VWF: variants seen among roughly 807,000 people sequenced by gnomAD.
The protein encoded by VWF is Factor VIII related antigen.
Under a neutral mutation model 308.6 loss-of-function variants are expected in VWF, and 176 were observed. That is an observed-to-expected ratio of 0.57 (90% CI 0.50 to 0.65). The LOEUF is 0.65. Ranked by LOEUF, VWF falls within the 30% of genes least tolerant of loss-of-function variation. VWF has a pLI of 0.00. For synonymous variants in VWF, 1,385 were observed against 1,443.4 expected (o/e 0.96, Z 0.92); for missense variants, 3,146 against 3,648.2 (o/e 0.86, Z 3.55).
chr12:6,094,307 G>A (rs1295098539), intron 6 of VWF, among the ~76,000 whole-genome samples: 1 of 152,212 alleles, frequency 6.6e-6, no homozygotes, highest in Non-Finnish European at 1.5e-5. Flanking sequence ...TTCAGGCACA[G>A]CCTCTCACTC....
chr12:6,050,206 T>C (rs1228435209), intron 16 of VWF, among the ~76,000 whole-genome samples: 1 of 152,180 alleles, frequency 6.6e-6, no homozygotes, highest in Non-Finnish European at 1.5e-5. Flanking sequence ...TCACAGGCAT[T>C]CAAGTTCAGA....
chr12:6,032,988 G>A (rs1338990832), intron 20 of VWF, among the ~76,000 whole-genome samples: 4 of 148,048 alleles, frequency 2.7e-5, no homozygotes, highest in Non-Finnish European at 5.9e-5. Context: ...ACACGCACAT[G>A]CATACACCCA....
At chr12:6,090,204 A>G (rs1565385526) in intron 6 of VWF, among the ~76,000 whole-genome samples, 3 of 151,858 alleles carry the variant, frequency 2.0e-5, no homozygotes, top group Admixed American at 6.6e-5. Context: ...TGATCCACCC[A>G]CCTCAGCCTC....
At chr12:6,069,907 C>T (rs1257644620) in intron 10 of VWF, among the ~76,000 whole-genome samples, 2 of 152,120 alleles carry the variant, frequency 1.3e-5, no homozygotes, top group Non-Finnish European at 2.9e-5. Context: ...GATGAATGGA[C>T]AGTTGGAAGG....
At chr12:6,090,252 C>T (rs1272244355) in intron 6 of VWF, among the ~76,000 whole-genome samples, 1 of 152,014 alleles carries the variant, frequency 6.6e-6, no homozygotes, top group Admixed American at 6.6e-5. Context: ...CCACCGTGCC[C>T]GGCCGAAAAT....
intron 6 of VWF, among the ~76,000 whole-genome samples, chr12:6,091,935 G>A (rs1187586632): frequency 6.6e-6 from 1 of 152,162 alleles, no homozygotes; most frequent in African/African-American, 2.4e-5. Flanking sequence ...CTCATGGGAT[G>A]AACAAAATCA....
intron 5 of VWF, among the ~76,000 whole-genome samples, chr12:6,101,725 G>A (rs865952996): frequency 3.9e-5 from 6 of 152,120 alleles, no homozygotes; most frequent in South Asian, 2.1e-4. Context: ...GCTGTGAGCC[G>A]AGACACGCCG....
At position 6,018,748 on chromosome 12, in the gene VWF, G is replaced by A. The variant is rs751081188; in HGVS notation, c.4670C>T (p.Ser1557Phe). Reference protein sequence around the residue: ...TVEYPFSEAQSKGDILQRVRE... With the variant: ...TVEYPFSEAQFKGDILQRVRE... ...CACCCGCTGCAGGATGTCCCCTTTG[G>A]ACTGTGCCTCGCTGAAGGGGTACTC... is the stretch of plus-strand genomic sequence containing the variant. Residue 1557 changes from serine (S) to phenylalanine (F), a missense_variant, in exon 28 of 52, where the codon TCC becomes TTC. By Grantham distance (155) the Ser-to-Phe change is radical. Around this residue, in one of 3 missense-constraint regions of VWF, gnomAD observed 853 missense variants for 1,177.8 expected, o/e 0.72. Transcript: ENST00000261405. The A allele has an allele frequency of 6.2e-7, 1 of 1,613,598 alleles. No individual in the cohort carries two copies. The highest frequency in any genetic ancestry group is 8.5e-7 in the Non-Finnish European group (1 of 1,179,938).
chr12:6,013,769 C>CT, intron 31 of VWF, 124 bp from the exon 32 acceptor site: 1 of 1,092,354 alleles, frequency 9.2e-7, no homozygotes, highest in Non-Finnish European at 1.4e-6. Context: ...ATACATCAGC[C>CT]CTATGAGGAA....
rs1944101776 is a variant in VWF, at chr12:6,019,293, A to C, written c.4125T>G (p.Pro1375=). ...GGAGCAGGGTGATGCGGGAGGCTTC[A>C]GGGCGGTCGATCTTGCTGAAGATTT... ...LFQIFSKIDR[P]EASRITLLLM... The change falls in exon 28 of 52, where the codon CCT becomes CCG. Residue 1375 remains proline, a synonymous_variant. Coordinates refer to ENST00000261405, the MANE Select transcript of VWF (RefSeq NM_000552.5). This position sits in a 1 kb window ranked among gnomAD's most constrained non-coding sequence, Gnocchi z 5.8. The C allele has an allele frequency of 1.9e-6, 3 of 1,613,906 alleles. No homozygotes were observed. Among genetic ancestry groups the C allele is most frequent in the East Asian group, 4.5e-5 (2 of 44,872 alleles).
At chr12:5,998,095 G>C (rs1943825464) in intron 34 of VWF, among the ~76,000 whole-genome samples, 1 of 151,998 alleles carries the variant, frequency 6.6e-6, no homozygotes, top group Non-Finnish European at 1.5e-5. Context: ...ACTTTTGGCT[G>C]ATTGTCAAAA....
intron 50 of VWF, among the ~76,000 whole-genome samples, chr12:5,951,073 G>C (rs914187400): frequency 6.6e-6 from 1 of 151,776 alleles, no homozygotes; most frequent in Non-Finnish European, 1.5e-5. Flanking sequence ...GGGCAGAAAA[G>C]AAATACCCTA....
Position 6,075,625 on chromosome 12 carries a change from T to C in VWF, c.658-74A>G. 1 of 1,531,930 alleles carries C rather than the reference T, an allele frequency of 6.5e-7. No homozygotes were observed. The allele number at this position is 1,531,930 out of a possible 1,614,324, so 94.9% of individuals were successfully genotyped here. On this transcript the variant is annotated intron_variant, in intron 6 of 51. Transcript: ENST00000261405. This position sits in a 1 kb window ranked among gnomAD's most constrained non-coding sequence, Gnocchi z 4.7. The stretch of plus-strand genomic sequence containing the variant: ...TGAGTGTGGCACTGAGACTTAGCCC[T>C]GCTAGGGAAACCAAGGCAGCTCCCT...
In VWF at chr12:5,949,754, A is replaced by G. The variant is rs2362483; in HGVS notation, c.8253+32T>C. The G allele has an allele frequency of 0.071, 113,858 of 1,606,280 alleles. 5,179 individuals are homozygous for G. The highest frequency in any genetic ancestry group is 0.19 in the African/African-American group (14,486 of 74,782). On this transcript the variant is annotated intron_variant, in intron 51 of 51. Coordinates refer to ENST00000261405, the MANE Select transcript of VWF (RefSeq NM_000552.5). ...TCCGAACACGGAGGCTCAGCCCTCC[A>G]CACCCAGCCCTTATTGAAGCAGAGC...
chr12:5,990,661 G>A (rs1397213156), intron 38 of VWF, among the ~76,000 whole-genome samples: 3 of 151,466 alleles, frequency 2.0e-5, no homozygotes, highest in Admixed American at 6.6e-5. Flanking sequence ...TCTCTACCAC[G>A]GTCTGTAGTA....
At chr12:6,041,424 C>G (rs543204050) in intron 18 of VWF, among the ~76,000 whole-genome samples, 2 of 151,232 alleles carry the variant, frequency 1.3e-5, no homozygotes, top group African/African-American at 4.9e-5. Context: ...AGCAAAACTC[C>G]GTCTCAAAAA....
chr12:6,048,167 G>A (rs534903996), intron 16 of VWF, among the ~76,000 whole-genome samples: 1 of 152,120 alleles, frequency 6.6e-6, no homozygotes, highest in South Asian at 2.1e-4. Flanking sequence ...ATTCAGTTTT[G>A]TTTTGCTTTG....
In VWF at chr12:5,994,489, A is replaced by C. The variant is rs772100394; in HGVS notation, c.6182T>G (p.Phe2061Cys). The stretch of plus-strand genomic sequence containing the variant: ...TTGGAACTCATTGTTTTGTGGAGTG[A>C]ATGTGAAGATGTGACCAAGGTGATT... ...RFNHLGHIFT[F>C]TPQNNEFQLQ... is the part of the protein sequence containing the mutation. The change falls in exon 36 of 52, where the codon TTC becomes TGC. Residue 2061 changes from phenylalanine (F) to cysteine (C), a missense_variant. Coordinates refer to ENST00000261405, the MANE Select transcript of VWF (RefSeq NM_000552.5). 6.2e-7 allele frequency: 1 copy of C among 1,614,184 alleles called. No homozygotes were observed. Among genetic ancestry groups the C allele is most frequent in the South Asian group, 1.1e-5 (1 of 91,080 alleles).
At chr12:5,988,557 AAC>A (rs1943704876) in intron 38 of VWF, among the ~76,000 whole-genome samples, 1 of 152,244 alleles carries the variant, frequency 6.6e-6, no homozygotes, top group African/African-American at 2.4e-5. Flanking sequence ...GAGAATGGGT[AAC>A]ACACAACAGA....
Sources: gnomAD v4.1 joint callset for allele counts (sites outside exome capture counted in the v4.1 genomes callset) on GRCh38, gnomAD v4.1.1 for gene constraint, gnomAD v4.1.1 regional missense constraint, Gnocchi (gnomAD v3.1) non-coding constraint, MANE v1.5 for transcripts, NCBI Gene and HGNC (gene_info 2026-07-23, HGNC 2026-07-21) for gene names.